CACNA1C: variants seen among roughly 807,000 people sequenced by gnomAD.
CACNA1C encodes voltage-dependent L-type calcium channel subunit alpha-1C.
CACNA1C carries 30 observed loss-of-function variants against 229.0 expected under a neutral mutation model. The ratio of observed to expected loss-of-function variants is 0.13; its 90% CI spans 0.10 to 0.18. The LOEUF is 0.18. Among genes scored for constraint, CACNA1C ranks in the 10% least tolerant of loss-of-function variants. The pLI, the probability that CACNA1C is intolerant of heterozygous loss-of-function variation, is 1.00. For synonymous variants in CACNA1C, 1,114 were observed against 1,132.5 expected, an observed-to-expected ratio of 0.98 and a Z score of 0.33; for missense variants, 1,658 against 2,845.0, an observed-to-expected ratio of 0.58 and a Z score of 9.49.
At chr12:2,586,309 C>T (rs1289461345) in intron 18 of CACNA1C, among the ~76,000 whole-genome samples, 2 of 152,134 alleles carry the variant, frequency 1.3e-5, no homozygotes, top group Admixed American at 6.5e-5. Context: ...GAGGCAGTGC[C>T]GAGTGCAGGG....
rs74059695 is a variant in CACNA1C, at chr12:2,001,405, A to C, written c.139+30204A>C. 1.7e-3 allele frequency among the ~76,000 whole-genome samples: 252 copies of C among 152,334 alleles called. 1 individual carries two copies. Among genetic ancestry groups the C allele is most frequent in the African/African-American group, 5.9e-3 (245 of 41,576 alleles). On this transcript the variant is annotated intron_variant, in intron 1 of 46. Coordinates refer to the CACNA1C transcript ENST00000682462. The stretch of plus-strand genomic sequence containing the variant: ...GATTTAATATTATACTGTATTATAA[A>C]ATCTAACAAGTGCTAAAGAAATAAG...
chr12:2,548,995 T>C lies in CACNA1C; in HGVS notation c.1391-948T>C, dbSNP rs550021701. On this transcript the variant is annotated intron_variant, in intron 9 of 46. Coordinates refer to ENST00000399655, the MANE Select transcript of CACNA1C (RefSeq NM_000719.7). ...CAAAACTAAGGAACGCATTGTATCA[T>C]AGTAAGAGAGTGTTGGAAGGTGGAG... Among the ~76,000 whole-genome samples, 5 of 152,310 alleles carry C rather than the reference T, an allele frequency of 3.3e-5. No homozygotes were observed. The South Asian group carries it at 1.0e-3, about 32-fold the overall frequency.
Position 2,677,865 on chromosome 12 carries a change from A to G in CACNA1C, c.5089A>G (p.Arg1697Gly). Residue 1697 changes from arginine (R) to glycine (G), a missense_variant and splice_region_variant, in exon 41 of 47, where the codon AGG becomes GGG. Physicochemically the swap from Arg to Gly is moderately radical, Grantham distance 125. Around this residue, in one of 20 missense-constraint regions of CACNA1C, gnomAD observed 590 missense variants for 700.8 expected, o/e 0.84. Coordinates refer to ENST00000399655, the MANE Select transcript of CACNA1C (RefSeq NM_000719.7). This position sits in a 1 kb window ranked among gnomAD's most constrained non-coding sequence, Gnocchi z 7.4. ...CGCTGCTTCTGAAGATGACATCTTC[A>G]GGGTGGGTGGTGCCATGGCGCACTC... The part of the protein sequence containing the change: ...VSAASEDDIF[R>G]RAGGLFGNHV... 1 of 1,613,970 alleles carries G rather than the reference A, an allele frequency of 6.2e-7. No individual in the cohort carries two copies. The highest frequency in any genetic ancestry group is 8.5e-7 in the Non-Finnish European group (1 of 1,179,868).
intron 1 of CACNA1C, among the ~76,000 whole-genome samples, chr12:1,999,000 T>C (rs2041568147): frequency 6.6e-6 from 1 of 152,260 alleles, no homozygotes; most frequent in Admixed American, 6.5e-5. Flanking sequence ...GGCATGATCC[T>C]TTCACATGCT....
chr12:2,015,615 A>G (rs1219780288), intron 1 of CACNA1C, among the ~76,000 whole-genome samples: 1 of 152,216 alleles, frequency 6.6e-6, no homozygotes, highest in East Asian at 1.9e-4. Flanking sequence ...CCACACTTTA[A>G]AATTGCTGGA....
At chr12:2,459,119 A>G (rs2099473462) in intron 5 of CACNA1C, among the ~76,000 whole-genome samples, 2 of 147,832 alleles carry the variant, frequency 1.4e-5, no homozygotes, top group East Asian at 4.0e-4. Flanking sequence ...AGTACCTGGG[A>G]CTACAGGTGC....
chr12:2,609,421 C>G (rs574022011), intron 27 of CACNA1C, among the ~76,000 whole-genome samples: 1 of 151,914 alleles, frequency 6.6e-6, no homozygotes, highest in East Asian at 1.9e-4. Flanking sequence ...GTGACCCTCG[C>G]CAGGCCAGCC....
rs1243134848 is a variant in CACNA1C at position 2,467,576 on chromosome 12, A to G, written c.757+9870A>G. ...GATGGGGCAGAGCACCCTGGAGGGC[A>G]GCCAGAGACAGCAGGGGGTGGCGGG... is the stretch of plus-strand genomic sequence containing the variant. On this transcript the variant is annotated intron_variant, in intron 5 of 46. Transcript: ENST00000399655. The surrounding 1 kb of genome is among the most constrained non-coding windows in gnomAD (Gnocchi z 4.6). 6.6e-6 allele frequency among the ~76,000 whole-genome samples: 1 copy of G among 152,158 alleles called. No homozygotes were observed. The highest frequency in any genetic ancestry group is 1.5e-5 in the Non-Finnish European group (1 of 67,986).
At chr12:2,628,722 C>T (rs1024276114) in intron 29 of CACNA1C, among the ~76,000 whole-genome samples, 1 of 145,826 alleles carries the variant, frequency 6.9e-6, no homozygotes, top group Non-Finnish European at 1.5e-5. Context: ...GCCTGGGCAA[C>T]ATAGCAAGAC....
rs11062181 is a variant in CACNA1C, at chr12:2,277,362, G to C, written c.477+156932G>C. On this transcript the variant is annotated intron_variant, in intron 3 of 46. Coordinates refer to ENST00000399655, the MANE Select transcript of CACNA1C (RefSeq NM_000719.7). Reference sequence around the variant, plus strand: ...AGACAGACAGACAGACAGACAGACAGACACACACACACACACACACACACA... The same window carrying C: ...AGACAGACAGACAGACAGACAGACACACACACACACACACACACACACACA... Among the ~76,000 whole-genome samples the C allele has an allele frequency of 3.8e-3, 271 of 72,148 alleles. 2 individuals carry two copies. The highest frequency in any genetic ancestry group is 7.2e-3 in the Admixed American group (53 of 7,398). 47.3% of individuals were successfully genotyped at this position (72,148 alleles called of 152,430 possible).
chr12:2,245,270 G>A (rs1014208949), intron 3 of CACNA1C, among the ~76,000 whole-genome samples: 3 of 152,158 alleles, frequency 2.0e-5, no homozygotes, highest in Admixed American at 2.0e-4. Flanking sequence ...CCTCCCTCCA[G>A]GAAGCTTCTT....
chr12:2,064,068 C>T (rs961675524), intron 1 of CACNA1C, among the ~76,000 whole-genome samples: 4 of 152,214 alleles, frequency 2.6e-5, no homozygotes, highest in Admixed American at 2.6e-4. Flanking sequence ...AGTTCCTATA[C>T]CAGAAATTTG....
At chr12:2,356,278 A>C (rs767916954) in intron 3 of CACNA1C, among the ~76,000 whole-genome samples, 1 of 152,218 alleles carries the variant, frequency 6.6e-6, no homozygotes, top group African/African-American at 2.4e-5. Flanking sequence ...TTTATTGTGC[A>C]TCTTAATGAC....
intron 3 of CACNA1C, among the ~76,000 whole-genome samples, chr12:2,264,887 G>C (rs926571910): frequency 1.3e-5 from 2 of 152,162 alleles, no homozygotes; most frequent in Admixed American, 1.3e-4. Context: ...CTCCACCCCA[G>C]CCCAGAGCTG....
rs938285892 is a variant in CACNA1C, at chr12:2,504,043, G to A, written c.1114-799G>A. On this transcript the variant is annotated intron_variant, in intron 7 of 46. Transcript: ENST00000399655. The surrounding 1 kb of genome is among the most constrained non-coding windows in gnomAD (Gnocchi z 6.8). ...GAGCTGACGCACTTCATACACCAAG[G>A]TCAGGGGCCTCCGGGTGCAACAGAA... Among the ~76,000 whole-genome samples the A allele has an allele frequency of 6.6e-6, 1 of 152,190 alleles. No homozygotes were observed. The highest frequency in any genetic ancestry group is 6.5e-5 in the Admixed American group (1 of 15,284).
chr12:2,004,462 C>G (rs200322039), intron 1 of CACNA1C: 1 of 1,585,458 alleles, frequency 6.3e-7, no homozygotes, highest in Non-Finnish European at 8.6e-7. Flanking sequence ...AGGCACGGGG[C>G]TCTTGGAAGC....
At chr12:2,230,983 TTTC>T (rs2064933731) in intron 3 of CACNA1C, among the ~76,000 whole-genome samples, 1 of 152,170 alleles carries the variant, frequency 6.6e-6, no homozygotes, top group Non-Finnish European at 1.5e-5. Flanking sequence ...AATCTCTTAA[TTTC>T]TTATTTGCCA....
chr12:2,570,910 CGAAA>C (rs1464087700), intron 13 of CACNA1C, among the ~76,000 whole-genome samples: 1 of 152,150 alleles, frequency 6.6e-6, no homozygotes, highest in East Asian at 1.9e-4. Flanking sequence ...CTGACCCCAT[CGAAA>C]GAGAGCTCTT....
chr12:2,082,321 T>C (rs1595365888), intron 1 of CACNA1C, among the ~76,000 whole-genome samples: 1 of 152,286 alleles, frequency 6.6e-6, no homozygotes, highest in East Asian at 1.9e-4. Flanking sequence ...ATGCCCCGCT[T>C]TTCCCCTCTC....
Sources: gnomAD v4.1 joint callset for allele counts (sites outside exome capture counted in the v4.1 genomes callset) on GRCh38, gnomAD v4.1.1 for gene constraint, gnomAD v4.1.1 regional missense constraint, Gnocchi (gnomAD v3.1) non-coding constraint, MANE v1.5 for transcripts, NCBI Gene and HGNC (gene_info 2026-07-23, HGNC 2026-07-21) for gene names.